The following AGAP3 variants were observed in gnomAD, a reference collection of about 807,000 sequenced individuals.
The protein encoded by AGAP3 is ArfGAP with GTPase domain, ankyrin repeat and PH domain 3, also known as arf-GAP with GTPase, ANK repeat and PH domain-containing protein 3.
Under a neutral mutation model 96.9 loss-of-function variants are expected in AGAP3, and 24 were observed. That is an observed-to-expected ratio of 0.25 (90% confidence interval 0.18 to 0.35). The LOEUF (loss-of-function observed/expected upper bound fraction) is 0.35, where lower values mean the gene tolerates loss of function less well. Ranked by LOEUF, AGAP3 falls within the 10% of genes least tolerant of loss-of-function variation. AGAP3 has a pLI of 1.00. For missense variants in AGAP3, 876 were observed against 1,254.2 expected, an observed-to-expected ratio of 0.70 and a Z score of 4.55; for synonymous variants, 563 against 536.1, an observed-to-expected ratio of 1.05 and a Z score of -0.69.
Position 151,116,629 on chromosome 7 carries a change from A to G in AGAP3, c.332-164A>G, listed in dbSNP as rs561814511. The G allele has an allele frequency of 2.0e-4, 144 of 718,290 alleles. 1 individual carries two copies. In the African/African-American group the frequency reaches 2.4e-3, roughly 12 times the overall value. 44.5% of individuals were successfully genotyped at this position (718,290 alleles called of 1,614,324 possible). A position where few individuals can be genotyped will look rare whatever the true frequency, so the allele number is the denominator to read the frequency against. Reference sequence around the variant, plus strand: ...TGCTTCACTCAAGAAGAACCTTCCCACTGCCTCCTGGGGAACTAGGGGTGA... The same window carrying G: ...TGCTTCACTCAAGAAGAACCTTCCCGCTGCCTCCTGGGGAACTAGGGGTGA... On this transcript the variant is annotated intron_variant, in intron 1 of 17. Transcript: ENST00000397238.
At position 151,114,777 on chromosome 7, in the gene AGAP3, C is replaced by A; in HGVS notation, c.332-2016C>A. 1 of 1,028,856 alleles carries A rather than the reference C, an allele frequency of 9.7e-7. No individual in the cohort carries two copies. The highest frequency in any genetic ancestry group is 1.2e-6 in the Non-Finnish European group (1 of 860,172). The allele number at this position is 1,028,856 out of a possible 1,614,324, so 63.7% of individuals were successfully genotyped here. A position where few individuals can be genotyped will look rare whatever the true frequency, so the allele number is the denominator to read the frequency against. On this transcript the variant is annotated intron_variant, in intron 1 of 17. Transcript: ENST00000397238. The surrounding 1 kb of genome is among the most constrained non-coding windows in gnomAD (Gnocchi z 4.4). ...GCGCCCGCCGGCCCTGAGCATGGAG[C>A]GGGGCTGGCCGCAGGGGGACAGCTG...
In AGAP3 at chr7:151,142,985, G is replaced by A. The variant is rs1273842893; in HGVS notation, c.2273+351G>A. 6.6e-6 allele frequency among the ~76,000 whole-genome samples: 1 copy of A among 152,146 alleles called. No individual in the cohort carries two copies. Among genetic ancestry groups the A allele is most frequent in the Non-Finnish European group, 1.5e-5 (1 of 68,014 alleles). On this transcript the variant is annotated intron_variant, in intron 16 of 17. Transcript: ENST00000397238. This position sits in a 1 kb window ranked among gnomAD's most constrained non-coding sequence, Gnocchi z 7.5. Reference sequence around the variant, plus strand: ...GGCCCCCCAGTGCAGGCCCCCACCCGCTTTGTTCCAGCACTGCCAATCCAA... The same window carrying A: ...GGCCCCCCAGTGCAGGCCCCCACCCACTTTGTTCCAGCACTGCCAATCCAA...
chr7:151,142,294 C>A lies in AGAP3; in HGVS notation c.2050+41C>A. The A allele has an allele frequency of 6.2e-7, 1 of 1,607,416 alleles. No homozygotes were observed. Among genetic ancestry groups the A allele is most frequent in the South Asian group, 1.1e-5 (1 of 90,614 alleles). ...GTGGGGCTGGGAGCTGGGGATGGCC[C>A]AGGGAAAGCTTCGCAAGCATCAGGG... On this transcript the variant is annotated intron_variant, in intron 15 of 17. Transcript: ENST00000397238. The surrounding 1 kb of genome is among the most constrained non-coding windows in gnomAD (Gnocchi z 7.5).
At chr7:151,111,909 C>T (rs1224632162) in intron 1 of AGAP3, among the ~76,000 whole-genome samples, 3 of 152,176 alleles carry the variant, frequency 2.0e-5, no homozygotes, top group African/African-American at 7.2e-5. Context: ...TGTGGGATTT[C>T]AGTACTGTTC....
intron 8 of AGAP3, chr7:151,120,612 C>T (rs990057421): frequency 1.2e-5 from 15 of 1,294,826 alleles, no homozygotes; most frequent in African/African-American, 1.5e-5. Context: ...TCCCCGTCGC[C>T]TTCCGGCTCT....
chr7:151,124,401 C>T (rs571207011), intron 9 of AGAP3, among the ~76,000 whole-genome samples: 1 of 152,370 alleles, frequency 6.6e-6, no homozygotes, highest in East Asian at 1.9e-4. Context: ...CCTTCTTCCA[C>T]ACCTCCGGTC....
In AGAP3 at chr7:151,108,786, C is replaced by G. The variant is rs1180726770; in HGVS notation, c.332-8007C>G. On this transcript the variant is annotated intron_variant, in intron 1 of 17. Transcript: ENST00000397238. This position sits in a 1 kb window ranked among gnomAD's most constrained non-coding sequence, Gnocchi z 4.2. The stretch of plus-strand genomic sequence containing the variant: ...GGGCCCTGCCCAGGCTCTGTCACTG[C>G]TGGGCTGTGTAACTGCAGGCAAGTG... Among the ~76,000 whole-genome samples, 1 of 152,222 alleles carries G rather than the reference C, an allele frequency of 6.6e-6. No homozygotes were observed. The highest frequency in any genetic ancestry group is 1.5e-5 in the Non-Finnish European group (1 of 68,034).
At chr7:151,131,184 C>G (rs530529558) in intron 10 of AGAP3, 1 of 152,230 alleles carries the variant, frequency 6.6e-6, no homozygotes, top group Non-Finnish European at 1.5e-5. Context: ...CTGAGCCCCG[C>G]GCCCGATTCT....
Position 151,102,230 on chromosome 7 carries a change from C to T in AGAP3, c.332-14563C>T, listed in dbSNP as rs114980219. ...GCAGTGGCCTGGGGCACGAGGACAG[C>T]GGCCCAGAGCTCCGGTGAGCCTGCA... On this transcript the variant is annotated intron_variant, in intron 1 of 17. Transcript: ENST00000397238. Among the ~76,000 whole-genome samples, 1,431 of 152,322 alleles carry T rather than the reference C, an allele frequency of 9.4e-3. 7 individuals carry two copies. Among genetic ancestry groups the T allele is most frequent in the Middle Eastern group, 0.014 (4 of 294 alleles).
At position 151,086,906 on chromosome 7, in the gene AGAP3, CG is replaced by C; in HGVS notation, c.168del (p.Gln59SerfsTer31). 6.8e-7 allele frequency: 1 copy of C among 1,471,926 alleles called. No homozygotes were observed. The highest frequency in any genetic ancestry group is 9.1e-7 in the Non-Finnish European group (1 of 1,104,558). 91.2% of individuals were successfully genotyped at this position (1,471,926 alleles called of 1,614,324 possible). On this transcript the variant is annotated frameshift_variant, in exon 1 of 18. Transcript: ENST00000397238. LOFTEE classifies it high-confidence loss of function. ...GGGPSQQLAGGPPQQFALSNS... is the reference protein window; with the variant it reads ...GGGPSQQLAGXPPQQFALSNS... Reference sequence around the variant, plus strand: ...GCGGCCCCTCGCAGCAGCTGGCCGGCGGGCCCCCCCAGCAGTTCGCGCTCTC... The same window carrying C: ...GCGGCCCCTCGCAGCAGCTGGCCGGCGGCCCCCCCAGCAGTTCGCGCTCTC...
At position 151,133,721 on chromosome 7, in the gene AGAP3, C is replaced by T. The variant is rs886977421; in HGVS notation, c.1327-679C>T. ...CCTCCCTCAGGTGGTGAAGATTACG[C>T]GAGGCTATACGTGGAATGTATAAAT... On this transcript the variant is annotated intron_variant, in intron 10 of 17. Coordinates refer to ENST00000397238, the MANE Select transcript of AGAP3 (RefSeq NM_031946.7). The surrounding 1 kb of genome is among the most constrained non-coding windows in gnomAD (Gnocchi z 5.4). 5.3e-5 allele frequency among the ~76,000 whole-genome samples: 8 copies of T among 152,270 alleles called. No homozygotes were observed. The highest frequency in any genetic ancestry group is 1.4e-4 in the African/African-American group (6 of 41,546).
rs543295612 is a variant in AGAP3, at chr7:151,144,392, T to C, written c.*449T>C. The C allele has an allele frequency of 2.1e-5, 4 of 192,660 alleles. No individual in the cohort carries two copies. The highest frequency in any genetic ancestry group is 9.4e-5 in the African/African-American group (4 of 42,646). 11.9% of individuals were successfully genotyped at this position (192,660 alleles called of 1,614,324 possible). A position where few individuals can be genotyped will look rare whatever the true frequency, so the allele number is the denominator to read the frequency against. ...TATTTATGTTTGTGTACATATTTGA[T>C]GTGTGTGTGTATGATGAGCCAATAA... On this transcript the variant is annotated 3_prime_UTR_variant, in exon 18 of 18. Transcript: ENST00000397238.
chr7:151,122,598 C>A, intron 8 of AGAP3: 1 of 1,049,036 alleles, frequency 9.5e-7, no homozygotes, highest in Non-Finnish European at 1.4e-6. Flanking sequence ...TCCTCCTCCT[C>A]CTCCTCCTCT....
intron 1 of AGAP3, among the ~76,000 whole-genome samples, chr7:151,097,215 T>C (rs950417412): frequency 4.4e-4 from 67 of 152,254 alleles, no homozygotes; most frequent in African/African-American, 1.6e-3. Context: ...AAGAGACACC[T>C]GAGGCTGGAT....
Position 151,138,239 on chromosome 7 carries a change from G to A in AGAP3, c.1592G>A (p.Arg531His), listed in dbSNP as rs753131439. The part of the protein sequence containing the change: ...AGPRPEGLHQ[R>H]SCSVSSADQW... ...CCGCGCCCTGAGGGGCTGCACCAGCGCTCCTGCTCCGTTTCCAGCGCCGAC... is the reference window on the plus strand; with the variant it reads ...CCGCGCCCTGAGGGGCTGCACCAGCACTCCTGCTCCGTTTCCAGCGCCGAC... The change falls in exon 12 of 18, where the codon CGC becomes CAC. Residue 531 changes from arginine (R) to histidine (H), a missense_variant. Coordinates refer to ENST00000397238, the MANE Select transcript of AGAP3 (RefSeq NM_031946.7). 66 of 1,612,502 alleles carry A rather than the reference G, an allele frequency of 4.1e-5. No individual in the cohort carries two copies. Among genetic ancestry groups the A allele is most frequent in the Middle Eastern group, 1.6e-4 (1 of 6,078 alleles).
chr7:151,141,780 G>T lies in AGAP3; in HGVS notation c.1805-118G>T. 1 of 1,327,528 alleles carries T rather than the reference G, an allele frequency of 7.5e-7. No homozygotes were observed. The highest frequency in any genetic ancestry group is 1.1e-6 in the Non-Finnish European group (1 of 934,452). 82.2% of individuals were successfully genotyped at this position (1,327,528 alleles called of 1,614,324 possible). ...AGTGTGTGGCCTTGCAGCTGGGGAA[G>T]GGTCTAGGGGAGGACACTTGCCAGT... On this transcript the variant is annotated intron_variant, in intron 13 of 17. Coordinates refer to ENST00000397238, the MANE Select transcript of AGAP3 (RefSeq NM_031946.7). The surrounding 1 kb of genome is among the most constrained non-coding windows in gnomAD (Gnocchi z 4.2).
At chr7:151,131,789 A>G (rs566320324) in intron 10 of AGAP3, among the ~76,000 whole-genome samples, 1 of 152,204 alleles carries the variant, frequency 6.6e-6, no homozygotes, top group African/African-American at 2.4e-5. Context: ...TCTTCTTGGC[A>G]TGGGGTCAGC....
chr7:151,128,083 G>A (rs755445985), intron 9 of AGAP3, among the ~76,000 whole-genome samples: 2 of 152,172 alleles, frequency 1.3e-5, no homozygotes, highest in Non-Finnish European at 2.9e-5. Flanking sequence ...ACAATTAGGG[G>A]ATTTTCTGCC....
Position 151,095,704 on chromosome 7 carries a change from A to C in AGAP3, c.331+8632A>C, listed in dbSNP as rs1209012270. Among the ~76,000 whole-genome samples, 5 of 16,648 alleles carry C rather than the reference A, an allele frequency of 3.0e-4. No individual in the cohort carries two copies. In the East Asian group the frequency reaches 0.025, roughly 83 times the overall value. The allele number at this position is 16,648 out of a possible 152,430, so 10.9% of individuals were successfully genotyped here. A position where few individuals can be genotyped will look rare whatever the true frequency, so the allele number is the denominator to read the frequency against. On this transcript the variant is annotated intron_variant, in intron 1 of 17. Coordinates refer to ENST00000397238, the MANE Select transcript of AGAP3 (RefSeq NM_031946.7). ...GTCTTGTCCAATCACAGTTGTACAA[A>C]AAAAAAAAAAAAAAAAAAAAAAAGA...
Sources: allele counts gnomAD v4.1 joint callset (sites outside exome capture counted in the v4.1 genomes callset), GRCh38; gene constraint gnomAD v4.1.1; non-coding constraint Gnocchi (gnomAD v3.1); transcripts MANE v1.5; gene names NCBI Gene and HGNC (gene_info 2026-07-23, HGNC 2026-07-21).